ANKRD30A: variants seen among roughly 807,000 people sequenced by gnomAD.
ANKRD30A encodes the protein ankyrin repeat domain-containing protein 30A.
Under a neutral mutation model 166.3 loss-of-function variants are expected in ANKRD30A, and 170 were observed. The ratio of observed to expected loss-of-function variants is 1.02; its 90% CI spans 0.90 to 1.16. The LOEUF (loss-of-function observed/expected upper bound fraction) is 1.16. Among genes scored for constraint, ANKRD30A ranks in the 50% most tolerant of loss-of-function variants. ANKRD30A has a pLI of 0.00. For synonymous variants in ANKRD30A, 564 were observed against 508.9 expected (o/e 1.11, Z -1.46); for missense variants, 1,630 against 1,518.0 (o/e 1.07, Z -1.23).
At chr10:37,213,053 CTT>C (rs1260506436) in intron 31 of ANKRD30A, among the ~76,000 whole-genome samples, 3 of 151,760 alleles carry the variant, frequency 2.0e-5, no homozygotes, top group African/African-American at 2.4e-5. Flanking sequence ...GCTAGATAGA[CTT>C]TTGCTTTTAT....
In ANKRD30A at chr10:37,219,283, C is replaced by G. The variant is rs376580286; in HGVS notation, c.3571C>G (p.Leu1191Val). 7 of 1,610,244 alleles carry G rather than the reference C, an allele frequency of 4.3e-6. No individual in the cohort carries two copies. The highest frequency in any genetic ancestry group is 1.3e-5 in the African/African-American group (1 of 74,618). The change falls in exon 34 of 36, where the codon CTA becomes GTA. Residue 1191 changes from leucine (L) to valine (V), a missense_variant. By Grantham distance (32) the Leu-to-Val change is conservative. Coordinates refer to ENST00000361713, the MANE Select transcript of ANKRD30A (RefSeq NM_052997.3). ...GAAGGAAAAACAAGACAAAGAAATA[C>G]TAGAGGCAGAAATTGAATCACACCA... is the stretch of plus-strand genomic sequence containing the variant. ...KLKEKQDKEI[L>V]EAEIESHHPR...
At chr10:37,160,622 A>G (rs1402743436) in intron 15 of ANKRD30A, among the ~76,000 whole-genome samples, 15 of 152,182 alleles carry the variant, frequency 9.9e-5, no homozygotes, top group African/African-American at 1.9e-4. Flanking sequence ...TTTTTAAAAA[A>G]ATATAAATCA....
chr10:37,151,921 T>C (rs17590086), intron 11 of ANKRD30A, 139 bp from the exon 12 acceptor site: 5 of 661,790 alleles, frequency 7.6e-6, no homozygotes, highest in African/African-American at 1.9e-5. Flanking sequence ...TAGAAGTAGT[T>C]ATTGTAATCG....
At chr10:37,260,495 T>C in the ANKRD30A span, among the ~76,000 whole-genome samples, 1 of 152,206 alleles carries the variant, frequency 6.6e-6, no homozygotes, top group African/African-American at 2.4e-5. Flanking sequence ...ATAATATTGC[T>C]TTTATGATTA....
chr10:37,151,974 G>T, intron 11 of ANKRD30A, 86 bp from the exon 12 acceptor site: 1 of 1,219,886 alleles, frequency 8.2e-7, no homozygotes, highest in Non-Finnish European at 1.2e-6. Flanking sequence ...CCACAGATTC[G>T]TGAATGAAAG....
rs1478035436 is a variant in ANKRD30A, at chr10:37,164,128, AC to A, written c.2003-964del. Reference sequence around the variant, plus strand: ...ATCACAAGTTAAATTTACTTTTGAAACCAGGTATACAGTTGATGGATGTCAA... The same window carrying A: ...ATCACAAGTTAAATTTACTTTTGAAACAGGTATACAGTTGATGGATGTCAA... On this transcript the variant is annotated intron_variant, in intron 17 of 35. Coordinates refer to ENST00000361713, the MANE Select transcript of ANKRD30A (RefSeq NM_052997.3). Among the ~76,000 whole-genome samples the A allele has an allele frequency of 1.9e-4, 28 of 147,344 alleles. 1 individual carries two copies. Among genetic ancestry groups the A allele is most frequent in the Non-Finnish European group, 3.0e-5 (2 of 66,782 alleles).
intron 33 of ANKRD30A, 130 bp from the exon 34 acceptor site, chr10:37,218,850 T>A (rs1325284689): frequency 3.2e-6 from 2 of 620,526 alleles, no homozygotes; most frequent in Non-Finnish European, 5.5e-6. Context: ...GATTCAGTGG[T>A]TCTTCAACTG....
chr10:37,201,401 T>C (rs1841617830), intron 31 of ANKRD30A, 76 bp downstream of exon 31: 3 of 1,157,264 alleles, frequency 2.6e-6, no homozygotes, highest in Non-Finnish European at 1.2e-6. Flanking sequence ...TATGCTCTAA[T>C]AGCTGAAGAA....
chr10:37,213,599 T>A (rs538847941), intron 31 of ANKRD30A, among the ~76,000 whole-genome samples: 1 of 150,790 alleles, frequency 6.6e-6, no homozygotes, highest in Non-Finnish European at 1.5e-5. Context: ...AAGTCAAAGT[T>A]ATTTATTTGA....
At chr10:37,255,684 C>A in the ANKRD30A span, among the ~76,000 whole-genome samples, 2 of 152,146 alleles carry the variant, frequency 1.3e-5, no homozygotes, top group Non-Finnish European at 2.9e-5. Context: ...ATTTTTATGG[C>A]ATTTTAATTA....
intron 32 of ANKRD30A, among the ~76,000 whole-genome samples, chr10:37,216,924 C>A (rs1244614560): frequency 2.6e-5 from 4 of 151,010 alleles, no homozygotes; most frequent in African/African-American, 9.7e-5. Flanking sequence ...CAATTATACA[C>A]TTTTAATCTT....
In ANKRD30A at chr10:37,166,669, T is replaced by C. The variant is rs2132612747; in HGVS notation, c.2129T>C (p.Ile710Thr). The change falls in exon 19 of 36, where the codon ATA becomes ACA. Residue 710 changes from isoleucine (I) to threonine (T), a missense_variant. Transcript: ENST00000361713. ...CCCAAGGCTGCGCATCAAAAAGAAA[T>C]AGATAAAATAAATGGAAAATTAGAA... ...CLPKAAHQKEIDKINGKLEGS... is the reference protein window; with the variant it reads ...CLPKAAHQKETDKINGKLEGS... The C allele has an allele frequency of 6.3e-7, 1 of 1,590,192 alleles. No individual in the cohort carries two copies. Among genetic ancestry groups the C allele is most frequent in the East Asian group, 2.2e-5 (1 of 44,674 alleles).
chr10:37,164,645 A>T (rs1839164022), intron 17 of ANKRD30A, among the ~76,000 whole-genome samples: 1 of 152,130 alleles, frequency 6.6e-6, no homozygotes, highest in Non-Finnish European at 1.5e-5. Flanking sequence ...TATTCCTAAA[A>T]CATCTTATTC....
the ANKRD30A span, among the ~76,000 whole-genome samples, chr10:37,250,634 G>C: frequency 1.3e-5 from 2 of 152,228 alleles, no homozygotes; most frequent in South Asian, 4.1e-4. Context: ...CAGGTTTTGA[G>C]GGCAAACCTC....
chr10:37,254,808 G>T, the ANKRD30A span, among the ~76,000 whole-genome samples: 1 of 150,566 alleles, frequency 6.6e-6, no homozygotes, highest in Non-Finnish European at 1.5e-5. Context: ...CTCAGCTTCC[G>T]AGTAGCTGGG....
chr10:37,211,615 G>A (rs1449266264), intron 31 of ANKRD30A, among the ~76,000 whole-genome samples: 5 of 152,044 alleles, frequency 3.3e-5, no homozygotes, highest in African/African-American at 4.8e-5. Flanking sequence ...TGTCTTTATA[G>A]CAGCATGTTT....
At chr10:37,260,080 G>A in the ANKRD30A span, among the ~76,000 whole-genome samples, 1 of 151,736 alleles carries the variant, frequency 6.6e-6, no homozygotes, top group Admixed American at 6.6e-5. Flanking sequence ...CCCGGGGGGT[G>A]GTTGTACTAT....
chr10:37,129,816 G>A, intron 1 of ANKRD30A, 77 bp from the exon 2 acceptor site: 2 of 782,578 alleles, frequency 2.6e-6, no homozygotes, highest in East Asian at 3.2e-5. Flanking sequence ...GGTATTTAAT[G>A]TTTACAGTTA....
At position 37,130,291 on chromosome 10, in the gene ANKRD30A, G is replaced by A. The variant is rs751317438; in HGVS notation, c.423G>A (p.Thr141=). Reference sequence around the variant, plus strand: ...ATCTCGTAGATGTGTATGGCAACACGGCTCTCCATTATGCTGTTTATAGTG... The same window carrying A: ...ATCTCGTAGATGTGTATGGCAACACAGCTCTCCATTATGCTGTTTATAGTG... The part of the protein sequence containing the change: ...DINLVDVYGN[T]ALHYAVYSEI... Residue 141 remains threonine, a synonymous_variant, in exon 3 of 36, where the codon ACG becomes ACA. Coordinates refer to ENST00000361713, the MANE Select transcript of ANKRD30A (RefSeq NM_052997.3). 11 of 1,604,900 alleles carry A rather than the reference G, an allele frequency of 6.9e-6. No individual in the cohort carries two copies. In the South Asian group the frequency reaches 1.0e-4, roughly 15 times the overall value.
Sources: gnomAD v4.1 joint callset for allele counts (sites outside exome capture counted in the v4.1 genomes callset) on GRCh38, gnomAD v4.1.1 for gene constraint, MANE v1.5 for transcripts, NCBI Gene and HGNC (gene_info 2026-07-23, HGNC 2026-07-21) for gene names.